Variants in RRAS2 observed in about 807,000 individuals in gnomAD.
The protein encoded by RRAS2 is RAS related 2.
RRAS2 carries 7 observed loss-of-function variants against 27.6 expected under a neutral mutation model. The observed-to-expected ratio is 0.25, with a 90% CI of 0.14 to 0.48. RRAS2 has a LOEUF of 0.48. Ranked by LOEUF, RRAS2 falls within the 20% of genes least tolerant of loss-of-function variation. The pLI is 0.99. For synonymous variants in RRAS2, 86 were observed against 90.9 expected (o/e 0.95, Z 0.31); for missense variants, 178 against 256.2 (o/e 0.69, Z 2.08).
Position 14,279,259 on chromosome 11 carries a change from C to T in RRAS2, c.*78G>A. On this transcript the variant is annotated 3_prime_UTR_variant, in exon 6 of 6. Coordinates refer to ENST00000256196, the MANE Select transcript of RRAS2 (RefSeq NM_012250.6). ...TCATTTGTCTAAGGCTAGAAAGGTACCAACAAGATGTAAACTGAGGAGAGA... is the reference window on the plus strand; with the variant it reads ...TCATTTGTCTAAGGCTAGAAAGGTATCAACAAGATGTAAACTGAGGAGAGA... The T allele has an allele frequency of 9.7e-7, 1 of 1,029,280 alleles. No individual in the cohort carries two copies. Among genetic ancestry groups the T allele is most frequent in the South Asian group, 1.3e-5 (1 of 78,694 alleles). 63.8% of individuals were successfully genotyped at this position (1,029,280 alleles called of 1,614,324 possible).
intron 1 of RRAS2, among the ~76,000 whole-genome samples, chr11:14,344,927 T>C (rs1234163952): frequency 6.6e-6 from 1 of 151,186 alleles, no homozygotes; most frequent in African/African-American, 2.4e-5. Flanking sequence ...TAGATACAAC[T>C]CATCTTTCCA....
intron 1 of RRAS2, among the ~76,000 whole-genome samples, chr11:14,316,029 C>CA (rs143019979): frequency 0.13 from 20,019 of 151,582 alleles, 1,474 homozygotes; most frequent in East Asian, 0.18. Context: ...AATAAAAAGA[C>CA]AAAAAAAACG....
chr11:14,319,548 CG>C (rs1297220107), intron 1 of RRAS2, among the ~76,000 whole-genome samples: 2 of 151,458 alleles, frequency 1.3e-5, no homozygotes, highest in Non-Finnish European at 2.9e-5. Flanking sequence ...TTAGTAGAGA[CG>C]GGGTTTCACC....
At chr11:14,281,540 C>T (rs1380227346) in intron 5 of RRAS2, 62 bp downstream of exon 5, 76 of 1,313,100 alleles carry the variant, frequency 5.8e-5, no homozygotes, top group Non-Finnish European at 6.7e-5. Flanking sequence ...TATAAAATAT[C>T]CTTACTAAAA....
intron 1 of RRAS2, among the ~76,000 whole-genome samples, chr11:14,311,715 T>A (rs1335188116): frequency 6.6e-6 from 1 of 152,168 alleles, no homozygotes; most frequent in Non-Finnish European, 1.5e-5. Flanking sequence ...TCAGTTATAC[T>A]GGAAAATTAT....
chr11:14,351,474 C>A lies in RRAS2; in HGVS notation c.108+7289G>T, dbSNP rs561795870. Among the ~76,000 whole-genome samples, 333 of 152,266 alleles carry A rather than the reference C, an allele frequency of 2.2e-3. 1 individual carries two copies. Among genetic ancestry groups the A allele is most frequent in the Non-Finnish European group, 3.3e-3 (225 of 68,018 alleles). ...AGGCACAGTGGCTCACACCTGTAAT[C>A]CTAGCATTTTGGGAGGCCAAGGCAG... On this transcript the variant is annotated intron_variant, in intron 1 of 5. Coordinates refer to ENST00000256196, the MANE Select transcript of RRAS2 (RefSeq NM_012250.6).
intron 1 of RRAS2, chr11:14,356,859 C>T (rs1293635509): frequency 2.4e-6 from 1 of 409,362 alleles, no homozygotes; most frequent in Non-Finnish European, 4.7e-6. Flanking sequence ...ACAATCTCGG[C>T]TCACTACAAT....
At chr11:14,359,841 T>C (rs1849164556), upstream of RRAS2, among the ~76,000 whole-genome samples, 1 of 152,208 alleles carries the variant, frequency 6.6e-6, no homozygotes, top group Non-Finnish European at 1.5e-5. Flanking sequence ...CCCAAAGTGC[T>C]GGAATTACAG....
chr11:14,340,154 A>G (rs1329385991), intron 1 of RRAS2, among the ~76,000 whole-genome samples: 6 of 137,048 alleles, frequency 4.4e-5, no homozygotes, highest in African/African-American at 1.5e-4. Context: ...GCTGGAGTGT[A>G]GTGGCGCGAC....
At chr11:14,362,407 G>A (rs532612067), upstream of RRAS2, among the ~76,000 whole-genome samples, 29 of 146,356 alleles carry the variant, frequency 2.0e-4, no homozygotes, top group African/African-American at 6.9e-4. Context: ...GCTCAACCCC[G>A]CCCAGACTTT....
At chr11:14,333,857 A>T (rs1848535104) in intron 1 of RRAS2, among the ~76,000 whole-genome samples, 1 of 151,918 alleles carries the variant, frequency 6.6e-6, no homozygotes, top group African/African-American at 2.4e-5. Flanking sequence ...CTGGTCTTGA[A>T]CCCCTGGACT....
upstream of RRAS2, among the ~76,000 whole-genome samples, chr11:14,361,748 T>G (rs1849193955): frequency 6.6e-6 from 1 of 152,186 alleles, no homozygotes. Context: ...CCTACTTATC[T>G]GTACCTGAGA....
intron 1 of RRAS2, among the ~76,000 whole-genome samples, chr11:14,339,815 T>C (rs1848663237): frequency 6.6e-6 from 1 of 152,146 alleles, no homozygotes; most frequent in Non-Finnish European, 1.5e-5. Flanking sequence ...ATTTTATACA[T>C]TTAAAAATAG....
intron 1 of RRAS2, among the ~76,000 whole-genome samples, chr11:14,304,410 C>T (rs782282375): frequency 3.3e-5 from 5 of 152,212 alleles, no homozygotes; most frequent in Non-Finnish European, 7.3e-5. Context: ...GTATGGGCTA[C>T]ATGTGCAAAA....
intron 1 of RRAS2, among the ~76,000 whole-genome samples, chr11:14,316,118 T>C (rs1340147621): frequency 6.6e-6 from 1 of 152,240 alleles, no homozygotes; most frequent in African/African-American, 2.4e-5. Context: ...TCCACCATCT[T>C]GGACTAAAAT....
chr11:14,339,375 C>T (rs142274756), intron 1 of RRAS2, among the ~76,000 whole-genome samples: 5 of 151,728 alleles, frequency 3.3e-5, no homozygotes, highest in Middle Eastern at 3.4e-3. Context: ...TTTCTTCAGC[C>T]CTTTTCTGTC....
intron 1 of RRAS2, among the ~76,000 whole-genome samples, chr11:14,325,476 T>TTTTTAGCTTTTTGTATTGCTGTA (rs1848333591): frequency 6.6e-6 from 1 of 152,138 alleles, no homozygotes; most frequent in Admixed American, 6.5e-5. Flanking sequence ...GCTTTTTGTA[T>TTTTTAGCTTTTTGTATTGCTGTA]TTTTAGCAGA....
chr11:14,314,388 TCATA>T (rs1554949259), intron 1 of RRAS2, among the ~76,000 whole-genome samples: 4 of 152,188 alleles, frequency 2.6e-5, no homozygotes, highest in Non-Finnish European at 5.9e-5. Context: ...TGGTCTCTAA[TCATA>T]ATTTACATAT....
intron 1 of RRAS2, among the ~76,000 whole-genome samples, chr11:14,296,454 ATT>A (rs879997420): frequency 6.6e-6 from 1 of 152,182 alleles, no homozygotes; most frequent in Admixed American, 6.5e-5. Context: ...TTTCATAATT[ATT>A]TAAGGTTAAG....
Sources: allele counts gnomAD v4.1 joint callset (sites outside exome capture counted in the v4.1 genomes callset), GRCh38; gene constraint gnomAD v4.1.1; transcripts MANE v1.5; gene names NCBI Gene and HGNC (gene_info 2026-07-23, HGNC 2026-07-21).